Variants in GPHN observed in about 807,000 individuals in gnomAD.
GPHN encodes the protein gephyrin.
In GPHN, 17 loss-of-function variants were observed where a neutral mutation model predicts 95.5. The ratio of observed to expected loss-of-function variants is 0.18; its 90% CI spans 0.12 to 0.27. GPHN has a LOEUF of 0.27. Among genes scored for constraint, GPHN ranks in the 10% least tolerant of loss-of-function variants. GPHN has a pLI of 1.00. For missense variants in GPHN, 660 were observed against 978.1 expected (o/e 0.67, Z 4.34); for synonymous variants, 320 against 322.5 (o/e 0.99, Z 0.08).
intron 1 of GPHN, among the ~76,000 whole-genome samples, chr14:66,629,248 A>G (rs1266200530): frequency 7.7e-6 from 1 of 130,078 alleles, no homozygotes; most frequent in Non-Finnish European, 1.5e-5. Flanking sequence ...TATAAAACAC[A>G]CGTGTGTGTT....
At chr14:67,668,668 A>AG in the GPHN span, among the ~76,000 whole-genome samples, 1 of 151,922 alleles carries the variant, frequency 6.6e-6, no homozygotes, top group Non-Finnish European at 1.5e-5. Context: ...AGTGAAAAAA[A>AG]GACAACATTG....
the GPHN span, among the ~76,000 whole-genome samples, chr14:67,458,926 C>A: frequency 6.6e-6 from 1 of 152,118 alleles, no homozygotes; most frequent in Non-Finnish European, 1.5e-5. Context: ...TTGCTCTTGT[C>A]GCCCAGGGTG....
In GPHN at chr14:67,144,284, T is replaced by TAC. The variant is rs1567401152; in HGVS notation, c.1836+836_1836+837insCA. On this transcript the variant is annotated intron_variant, in intron 18 of 22. Coordinates refer to ENST00000478722, the MANE Select transcript of GPHN (RefSeq NM_020806.5). The stretch of plus-strand genomic sequence containing the variant: ...ATATATATATATATATATATATATA[T>TAC]ATACACACACACATACACAAATATT... 6.1e-4 allele frequency among the ~76,000 whole-genome samples: 64 copies of TAC among 105,600 alleles called. 8 individuals carry two copies. The highest frequency in any genetic ancestry group is 2.2e-3 in the African/African-American group (53 of 24,078). 69.3% of individuals were successfully genotyped at this position (105,600 alleles called of 152,430 possible).
chr14:66,825,793 T>C (rs2061367088), intron 4 of GPHN, among the ~76,000 whole-genome samples: 1 of 152,188 alleles, frequency 6.6e-6, no homozygotes, highest in Admixed American at 6.5e-5. Flanking sequence ...GAGGTTAACT[T>C]CAACTGCATA....
At chr14:66,610,034 A>C (rs1439328402) in intron 1 of GPHN, among the ~76,000 whole-genome samples, 1 of 152,068 alleles carries the variant, frequency 6.6e-6, no homozygotes, top group Non-Finnish European at 1.5e-5. Flanking sequence ...TCTTTTGCTG[A>C]TTCTTTTTCA....
chr14:67,698,155 A>G, the GPHN span, among the ~76,000 whole-genome samples: 1 of 152,184 alleles, frequency 6.6e-6, no homozygotes, highest in Non-Finnish European at 1.5e-5. Context: ...GCCCTTAACT[A>G]TTGAGCTATA....
At chr14:67,579,950 G>T in the GPHN span, 1 of 1,382,928 alleles carries the variant, frequency 7.2e-7, no homozygotes, top group Non-Finnish European at 9.9e-7. Context: ...GAGCCCATCT[G>T]ATGGGTGTCT....
At chr14:66,979,276 G>A (rs2070488071) in intron 9 of GPHN, among the ~76,000 whole-genome samples, 1 of 152,174 alleles carries the variant, frequency 6.6e-6, no homozygotes, top group Admixed American at 6.5e-5. Flanking sequence ...AGCAATGAAA[G>A]TCCTAGATGA....
chr14:66,761,448 T>C (rs139689637), intron 2 of GPHN, among the ~76,000 whole-genome samples: 135 of 152,250 alleles, frequency 8.9e-4, no homozygotes, highest in Non-Finnish European at 1.7e-3. Context: ...GTGTCAAATA[T>C]TATTTTGATT....
the GPHN span, among the ~76,000 whole-genome samples, chr14:67,251,400 G>T: frequency 6.6e-6 from 1 of 152,132 alleles, no homozygotes; most frequent in Non-Finnish European, 1.5e-5. Flanking sequence ...GGACTTGGTG[G>T]TGTGTGCCTG....
At chr14:66,705,131 T>C (rs1342969877) in intron 2 of GPHN, among the ~76,000 whole-genome samples, 1 of 152,252 alleles carries the variant, frequency 6.6e-6, no homozygotes, top group Non-Finnish European at 1.5e-5. Context: ...GTTGAATCCC[T>C]GAATTGACCA....
intron 11 of GPHN, among the ~76,000 whole-genome samples, chr14:67,087,804 A>C (rs574664438): frequency 6.6e-6 from 1 of 152,342 alleles, no homozygotes; most frequent in African/African-American, 2.4e-5. Flanking sequence ...TTTATAAATT[A>C]TACAAATACT....
intron 4 of GPHN, among the ~76,000 whole-genome samples, chr14:66,832,740 T>G (rs1236179629): frequency 5.3e-5 from 8 of 152,298 alleles, no homozygotes; most frequent in Non-Finnish European, 8.8e-5. Context: ...AATAGTCATA[T>G]GACAATTCAA....
At chr14:66,952,851 C>T (rs1329379150) in intron 8 of GPHN, among the ~76,000 whole-genome samples, 3 of 151,934 alleles carry the variant, frequency 2.0e-5, no homozygotes, top group Admixed American at 6.6e-5. Context: ...CCCGGCACCA[C>T]GCCTGACTAA....
At chr14:67,321,245 A>G in the GPHN span, 1 of 1,614,162 alleles carries the variant, frequency 6.2e-7, no homozygotes, top group Non-Finnish European at 8.5e-7. Flanking sequence ...ATGTCTTTTA[A>G]GTCTTCGTAC....
At chr14:67,512,732 G>A in the GPHN span, among the ~76,000 whole-genome samples, 109 of 152,212 alleles carry the variant, frequency 7.2e-4, no homozygotes, top group African/African-American at 2.5e-3. Context: ...ACCCTCCTCA[G>A]AAACTGGAAG....
At chr14:66,544,737 C>CT (rs2059472292) in intron 1 of GPHN, among the ~76,000 whole-genome samples, 1 of 152,012 alleles carries the variant, frequency 6.6e-6, no homozygotes, top group South Asian at 2.1e-4. Context: ...ACCCTGTGGC[C>CT]TTCCGCAGTG....
At chr14:67,397,640 G>A in the GPHN span, 1 of 1,596,672 alleles carries the variant, frequency 6.3e-7, no homozygotes, top group Non-Finnish European at 8.5e-7. Flanking sequence ...AGAGGAGCTG[G>A]ACAGCAGGGG....
At chr14:66,872,380 A>T (rs73273257) in intron 4 of GPHN, among the ~76,000 whole-genome samples, 4,621 of 152,238 alleles carry the variant, frequency 0.03, 247 homozygotes, top group African/African-American at 0.1. Flanking sequence ...TAACTTGCTT[A>T]ATTTTTGGAA....
Sources: allele counts gnomAD v4.1 joint callset (sites outside exome capture counted in the v4.1 genomes callset), GRCh38; gene constraint gnomAD v4.1.1; transcripts MANE v1.5; gene names NCBI Gene and HGNC (gene_info 2026-07-23, HGNC 2026-07-21).